Variants in IL1RAPL1 observed in about 807,000 individuals in gnomAD.
IL1RAPL1 encodes the protein interleukin-1 receptor accessory protein-like 1.
IL1RAPL1 carries 3 observed loss-of-function variants against 48.4 expected under a neutral mutation model. The ratio of observed to expected loss-of-function variants is 0.06; its 90% CI spans 0.03 to 0.16. IL1RAPL1 has a LOEUF of 0.16. Among genes scored for constraint, IL1RAPL1 ranks in the 10% least tolerant of loss-of-function variants. IL1RAPL1 has a pLI of 1.00. For synonymous variants in IL1RAPL1, 185 were observed against 187.7 expected (o/e 0.99, Z 0.12); for missense variants, 349 against 530.6 (o/e 0.66, Z 3.36).
At chrX:29,859,187 A>G (rs888620668) in intron 6 of IL1RAPL1, among the ~76,000 whole-genome samples, 3 of 111,635 alleles carry the variant, frequency 2.7e-5, no homozygotes, top group Admixed American at 9.6e-5. Flanking sequence ...AGCTTTGTAA[A>G]CCCCATCTCT....
intron 6 of IL1RAPL1, among the ~76,000 whole-genome samples, chrX:29,859,450 A>G (rs1307928635): frequency 9.0e-6 from 1 of 111,451 alleles, no homozygotes; most frequent in East Asian, 2.8e-4. Context: ...CTTGTAATGG[A>G]GATCACCAAA....
intron 3 of IL1RAPL1, among the ~76,000 whole-genome samples, chrX:29,393,077 C>T (rs1443250158): frequency 8.9e-6 from 1 of 111,953 alleles, no homozygotes; most frequent in African/African-American, 3.2e-5. Flanking sequence ...GTATTACTTT[C>T]ACCTTATCCT....
intron 9 of IL1RAPL1, among the ~76,000 whole-genome samples, chrX:29,954,310 T>C (rs993597676): frequency 9.2e-6 from 1 of 109,042 alleles, no homozygotes; most frequent in Non-Finnish European, 1.9e-5. Flanking sequence ...TCTCCTACTT[T>C]TTTCACAACA....
chrX:29,453,881 A>G (rs768809162), intron 5 of IL1RAPL1, among the ~76,000 whole-genome samples: 8 of 112,686 alleles, frequency 7.1e-5, no homozygotes, highest in African/African-American at 1.9e-4. Flanking sequence ...TTCAAAGAAT[A>G]TACATTCCTC....
intron 6 of IL1RAPL1, among the ~76,000 whole-genome samples, chrX:29,863,532 TGGG>T (rs1931632793): frequency 8.9e-6 from 1 of 111,794 alleles, no homozygotes; most frequent in Non-Finnish European, 1.9e-5. Context: ...GCAAGTCAGA[TGGG>T]GACTTCATAG....
At chrX:28,800,583 G>A (rs189399955) in intron 2 of IL1RAPL1, among the ~76,000 whole-genome samples, 1 of 111,387 alleles carries the variant, frequency 9.0e-6, no homozygotes, top group Non-Finnish European at 1.9e-5. Context: ...AAGAGACTAA[G>A]GGAAAGCTAA....
chrX:28,943,195 TAA>T (rs541591430), intron 2 of IL1RAPL1, among the ~76,000 whole-genome samples: 7 of 90,557 alleles, frequency 7.7e-5, no homozygotes, highest in Admixed American at 1.2e-4. Flanking sequence ...AGAGCAGCTT[TAA>T]AAAAAAAAAA....
chrX:29,598,234 C>T (rs1923614058), intron 5 of IL1RAPL1, among the ~76,000 whole-genome samples: 1 of 111,747 alleles, frequency 8.9e-6, no homozygotes, highest in African/African-American at 3.2e-5. Flanking sequence ...TCACTATTAC[C>T]GTTCAGTTCA....
At chrX:28,973,088 GTT>G (rs761248583) in intron 2 of IL1RAPL1, among the ~76,000 whole-genome samples, 2 of 111,778 alleles carry the variant, frequency 1.8e-5, no homozygotes, top group Non-Finnish European at 3.8e-5. Flanking sequence ...AACCTATTGA[GTT>G]TTCCCCTTAC....
At chrX:29,863,981 T>G (rs1931643575) in intron 6 of IL1RAPL1, among the ~76,000 whole-genome samples, 1 of 111,157 alleles carries the variant, frequency 9.0e-6, no homozygotes, top group African/African-American at 3.3e-5. Context: ...GAGACAGGGT[T>G]TCACCATGTT....
chrX:29,771,095 A>G (rs1929055244), intron 6 of IL1RAPL1, among the ~76,000 whole-genome samples: 1 of 112,368 alleles, frequency 8.9e-6, no homozygotes, highest in Non-Finnish European at 1.9e-5. Flanking sequence ...AAACTTTACT[A>G]CTATGAGTGT....
chrX:28,696,235 C>T (rs1396313904), intron 1 of IL1RAPL1, among the ~76,000 whole-genome samples: 1 of 111,172 alleles, frequency 9.0e-6, no homozygotes, highest in Non-Finnish European at 1.9e-5. Context: ...TCACCCCCAA[C>T]AATATCAAAG....
intron 2 of IL1RAPL1, among the ~76,000 whole-genome samples, chrX:29,062,136 C>T (rs1216195018): frequency 8.9e-6 from 1 of 111,969 alleles, no homozygotes; most frequent in Non-Finnish European, 1.9e-5. Flanking sequence ...ACTTCCATTT[C>T]CTGATTGGTT....
At chrX:29,223,711 A>C (rs1931027239) in intron 2 of IL1RAPL1, among the ~76,000 whole-genome samples, 1 of 108,543 alleles carries the variant, frequency 9.2e-6, no homozygotes, top group Non-Finnish European at 1.9e-5. Flanking sequence ...CACCCGGCTA[A>C]TTTTTGTATT....
In IL1RAPL1 at chrX:29,358,817, G is replaced by A. The variant is rs762233372; in HGVS notation, c.363-37441G>A. 3.6e-5 allele frequency among the ~76,000 whole-genome samples: 4 copies of A among 110,352 alleles called. No homozygotes were observed. The South Asian group carries it at 1.2e-3, about 32-fold the overall frequency. ...GTGGATCATTTGAGGTCAGGAGTTC[G>A]AGACCAGCCTGGCCAACATATTGAA... On this transcript the variant is annotated intron_variant, in intron 3 of 10. Coordinates refer to ENST00000378993, the MANE Select transcript of IL1RAPL1 (RefSeq NM_014271.4).
chrX:29,863,463 C>G (rs865897187), intron 6 of IL1RAPL1, among the ~76,000 whole-genome samples: 1 of 111,274 alleles, frequency 9.0e-6, no homozygotes, highest in African/African-American at 3.3e-5. Flanking sequence ...ATGACTATAG[C>G]CCCCCAAAAT....
In IL1RAPL1 at chrX:28,687,504, C is replaced by T. The variant is rs375163078; in HGVS notation, c.-25+99457C>T. Among the ~76,000 whole-genome samples, 94 of 112,130 alleles carry T rather than the reference C, an allele frequency of 8.4e-4. No individual in the cohort carries two copies. In the South Asian group the frequency reaches 0.03, roughly 36 times the overall value. ...CAACTACTTGAAGAAAATATGGGGC[C>T]GGGCGCGGTGGCTCAAGCCTGTGAT... On this transcript the variant is annotated intron_variant, in intron 1 of 10. Transcript: ENST00000378993.
At chrX:29,744,428 C>T (rs1928281067) in intron 6 of IL1RAPL1, among the ~76,000 whole-genome samples, 1 of 112,225 alleles carries the variant, frequency 8.9e-6, no homozygotes, top group South Asian at 3.7e-4. Flanking sequence ...GCCTTTGTCC[C>T]TATTTACAAT....
At chrX:28,934,496 CA>C (rs1166036652) in intron 2 of IL1RAPL1, among the ~76,000 whole-genome samples, 3 of 111,108 alleles carry the variant, frequency 2.7e-5, no homozygotes, top group African/African-American at 9.8e-5. Flanking sequence ...TCATCACCCC[CA>C]AATGAAACAA....
Sources: allele counts gnomAD v4.1 joint callset (sites outside exome capture counted in the v4.1 genomes callset), GRCh38; gene constraint gnomAD v4.1.1; transcripts MANE v1.5; gene names NCBI Gene and HGNC (gene_info 2026-07-23, HGNC 2026-07-21).